The following RORA variants were observed in gnomAD, a reference collection of about 807,000 sequenced individuals.
The protein encoded by RORA is RAR related orphan receptor A.
Under a neutral mutation model 69.5 loss-of-function variants are expected in RORA, and 7 were observed. That is an observed-to-expected ratio of 0.10 (90% confidence interval 0.06 to 0.19). RORA has a LOEUF of 0.19. Ranked by LOEUF, RORA falls within the 10% of genes least tolerant of loss-of-function variation. RORA has a pLI of 1.00. For missense variants in RORA, 457 were observed against 663.0 expected, an observed-to-expected ratio of 0.69 and a Z score of 3.41; for synonymous variants, 261 against 240.8, an observed-to-expected ratio of 1.08 and a Z score of -0.78.
chr15:60,505,525 C>T lies in RORA; in HGVS notation c.925G>A (p.Glu309Lys). 1.2e-6 allele frequency: 2 copies of T among 1,613,958 alleles called. No homozygotes were observed. ...TWQTFLQEEI[E>K]NYQNKQREVM... ...GATCATACCTTGTTTTGATAGTTCT[C>T]AATTTCTTCCTGTAAAAAGGTCTGC... is the stretch of plus-strand genomic sequence containing the variant. The change falls in exon 6 of 11, where the codon GAG (glutamate) becomes AAG (lysine). Residue 309 changes from glutamate to lysine, a missense_variant. Around this residue, in one of 3 missense-constraint regions of RORA, gnomAD observed 304 missense variants for 447.4 expected, o/e 0.68. Transcript: ENST00000335670.
At chr15:61,156,392 C>T (rs1663611067) in intron 1 of RORA, among the ~76,000 whole-genome samples, 1 of 152,194 alleles carries the variant, frequency 6.6e-6, no homozygotes, top group Non-Finnish European at 1.5e-5. Context: ...AAAGAAGAAA[C>T]AAGCAGTTTC....
intron 1 of RORA, among the ~76,000 whole-genome samples, chr15:61,198,260 C>G (rs2079862708): frequency 6.6e-6 from 1 of 152,180 alleles, no homozygotes; most frequent in African/African-American, 2.4e-5. Flanking sequence ...CAGCCAGGTT[C>G]TTTTAAAAGA....
chr15:60,765,852 A>G (rs2071979903), intron 1 of RORA, among the ~76,000 whole-genome samples: 1 of 151,750 alleles, frequency 6.6e-6, no homozygotes, highest in African/African-American at 2.4e-5. Flanking sequence ...CAGTGGTGTA[A>G]CCCGCTCCCC....
intron 1 of RORA, among the ~76,000 whole-genome samples, chr15:60,963,982 C>T (rs189176619): frequency 1.7e-4 from 26 of 152,312 alleles, no homozygotes; most frequent in African/African-American, 6.3e-4. Context: ...GGATTTAGCA[C>T]CTCTTATTTG....
intron 1 of RORA, among the ~76,000 whole-genome samples, chr15:61,207,627 G>T (rs184691983): frequency 6.6e-6 from 1 of 152,286 alleles, no homozygotes; most frequent in Admixed American, 6.5e-5. Context: ...AATTACATTT[G>T]GCAGTCTTCG....
chr15:60,711,078 C>T (rs1828588547), intron 1 of RORA, among the ~76,000 whole-genome samples: 1 of 152,314 alleles, frequency 6.6e-6, no homozygotes, highest in East Asian at 1.9e-4. Context: ...TCCAGCCTTG[C>T]TCTGCCCCTG....
intron 2 of RORA, among the ~76,000 whole-genome samples, chr15:60,575,888 T>C (rs2068010974): frequency 6.6e-6 from 1 of 152,222 alleles, no homozygotes; most frequent in South Asian, 2.1e-4. Context: ...ATTGGAAAGT[T>C]AGAAGTTTTG....
intron 3 of RORA, among the ~76,000 whole-genome samples, chr15:60,518,569 A>C (rs140053038): frequency 6.6e-6 from 1 of 152,346 alleles, no homozygotes; most frequent in African/African-American, 2.4e-5. Flanking sequence ...GCCCACACCC[A>C]GCACACCTTC....
At chr15:60,529,195 TTC>T (rs773267170) in intron 3 of RORA, 1 of 152,234 alleles carries the variant, frequency 6.6e-6, no homozygotes, top group Non-Finnish European at 1.5e-5. Flanking sequence ...ATCACCTTTC[TTC>T]TCTCATTAGA....
At position 60,814,890 on chromosome 15, in the gene RORA, A is replaced by C. The variant is rs112845689; in HGVS notation, c.167-136204T>G. On this transcript the variant is annotated intron_variant, in intron 1 of 10. Coordinates refer to ENST00000335670, the MANE Select transcript of RORA (RefSeq NM_134261.3). Reference sequence around the variant, plus strand: ...GCTTCTCATCTCCAGCCCGTCCTCAACCCTGGGGTGAGGAAGGTAGGACCA... The same window carrying C: ...GCTTCTCATCTCCAGCCCGTCCTCACCCCTGGGGTGAGGAAGGTAGGACCA... Among the ~76,000 whole-genome samples the C allele has an allele frequency of 6.3e-3, 961 of 152,258 alleles. 3 individuals are homozygous for C. The highest frequency in any genetic ancestry group is 0.012 in the South Asian group (58 of 4,822).
At chr15:61,045,082 G>T (rs1595912527) in intron 1 of RORA, among the ~76,000 whole-genome samples, 1 of 152,298 alleles carries the variant, frequency 6.6e-6, no homozygotes, top group Non-Finnish European at 1.5e-5. Context: ...AGCTGATACG[G>T]TTTGGCTGTG....
chr15:61,194,563 A>C (rs2079830497), intron 1 of RORA, among the ~76,000 whole-genome samples: 1 of 145,480 alleles, frequency 6.9e-6, no homozygotes, highest in Non-Finnish European at 1.5e-5. Context: ...AAAAGCTGTA[A>C]CACTTCCTCA....
chr15:60,731,348 A>G (rs2140837495), intron 1 of RORA, among the ~76,000 whole-genome samples: 1 of 152,346 alleles, frequency 6.6e-6, no homozygotes, highest in Non-Finnish European at 1.5e-5. Flanking sequence ...GGGATTAGCA[A>G]CCATTTAGTT....
intron 1 of RORA, among the ~76,000 whole-genome samples, chr15:60,794,077 C>T (rs895139884): frequency 7.9e-5 from 12 of 152,160 alleles, no homozygotes; most frequent in Admixed American, 2.0e-4. Flanking sequence ...TGCTGAGTGC[C>T]GTGTGTTCAA....
chr15:60,645,213 C>T (rs142190099), intron 2 of RORA, among the ~76,000 whole-genome samples: 11 of 150,866 alleles, frequency 7.3e-5, no homozygotes, highest in African/African-American at 2.4e-4. Flanking sequence ...CGAGGAGGAT[C>T]GTGGCATGAG....
intron 1 of RORA, among the ~76,000 whole-genome samples, chr15:61,081,366 T>C (rs970771710): frequency 2.6e-5 from 4 of 152,190 alleles, no homozygotes; most frequent in Non-Finnish European, 5.9e-5. Flanking sequence ...ATACAGCTTA[T>C]AAAAAGGCAG....
At chr15:61,095,845 G>T (rs2078781989) in intron 1 of RORA, among the ~76,000 whole-genome samples, 1 of 152,176 alleles carries the variant, frequency 6.6e-6, no homozygotes, top group African/African-American at 2.4e-5. Flanking sequence ...GGCCCCTTGG[G>T]ACACAAACTA....
intron 1 of RORA, among the ~76,000 whole-genome samples, chr15:61,126,407 T>C (rs113023088): frequency 6.6e-4 from 100 of 152,338 alleles, no homozygotes; most frequent in African/African-American, 2.3e-3. Flanking sequence ...ATTTTCAAGT[T>C]TATAATAAAT....
intron 1 of RORA, among the ~76,000 whole-genome samples, chr15:61,000,248 A>C (rs1435119265): frequency 1.3e-5 from 2 of 152,212 alleles, no homozygotes; most frequent in African/African-American, 4.8e-5. Flanking sequence ...ACTAAAGAAA[A>C]ATGTTCATTA....
Sources: gnomAD v4.1 joint callset for allele counts (sites outside exome capture counted in the v4.1 genomes callset) on GRCh38, gnomAD v4.1.1 for gene constraint, gnomAD v4.1.1 regional missense constraint, MANE v1.5 for transcripts, NCBI Gene and HGNC (gene_info 2026-07-23, HGNC 2026-07-21) for gene names.